Variants in DCC observed in about 807,000 individuals in gnomAD.
DCC encodes the protein DCC netrin 1 receptor.
DCC carries 58 observed loss-of-function variants against 172.5 expected under a neutral mutation model. The observed-to-expected ratio is 0.34, with a 90% confidence interval of 0.27 to 0.42. The LOEUF (loss-of-function observed/expected upper bound fraction) is 0.42, where lower values mean the gene tolerates loss of function less well. Ranked by LOEUF, DCC falls within the 10% of genes least tolerant of loss-of-function variation. The pLI, the probability that DCC is intolerant of heterozygous loss-of-function variation, is 1.00. For synonymous variants in DCC, 709 were observed against 644.5 expected, an observed-to-expected ratio of 1.10 and a Z score of -1.52; for missense variants, 1,740 against 1,791.0, an observed-to-expected ratio of 0.97 and a Z score of 0.51.
chr18:52,859,488 A>G (rs1293024457), intron 2 of DCC, among the ~76,000 whole-genome samples: 2 of 152,252 alleles, frequency 1.3e-5, no homozygotes, highest in African/African-American at 4.8e-5. Flanking sequence ...TGCTTGGATC[A>G]TGGCAAAATA....
intron 1 of DCC, among the ~76,000 whole-genome samples, chr18:52,736,440 A>G (rs1034969716): frequency 7.9e-5 from 12 of 152,084 alleles, no homozygotes; most frequent in Non-Finnish European, 1.5e-4. Context: ...CTTGCTGTAT[A>G]TAAGTGACTT....
intron 5 of DCC, among the ~76,000 whole-genome samples, chr18:52,963,524 C>G (rs914311475): frequency 6.6e-6 from 1 of 152,016 alleles, no homozygotes; most frequent in Non-Finnish European, 1.5e-5. Flanking sequence ...GCACAGGAGT[C>G]TGAAGTGGTC....
rs34406723 is a variant in DCC, at chr18:53,159,008, A to AAAAAAAAAAAAAAAG, written c.1418+1496_1418+1497insAAAAAAAAAAAAAAG. Among the ~76,000 whole-genome samples the AAAAAAAAAAAAAAAG allele has an allele frequency of 3.5e-3, 417 of 119,098 alleles. 39 individuals carry two copies. The highest frequency in any genetic ancestry group is 0.015 in the East Asian group (49 of 3,256). The allele number at this position is 119,098 out of a possible 152,430, so 78.1% of individuals were successfully genotyped here. ...CATCTCAAAAAAAAAAAAAAAAAGA[A>AAAAAAAAAAAAAAAG]GAAGATGTAGGCATACCCATATTGC... is the stretch of plus-strand genomic sequence containing the variant. On this transcript the variant is annotated intron_variant, in intron 8 of 28. Coordinates refer to ENST00000442544, the MANE Select transcript of DCC (RefSeq NM_005215.4).
intron 3 of DCC, among the ~76,000 whole-genome samples, chr18:52,906,817 T>A (rs17389596): frequency 6.6e-6 from 1 of 150,638 alleles, no homozygotes; most frequent in African/African-American, 2.4e-5. Context: ...ATATTAAAAT[T>A]AGGCTGATCT....
At chr18:52,729,558 C>A (rs185758241) in intron 1 of DCC, among the ~76,000 whole-genome samples, 1 of 152,284 alleles carries the variant, frequency 6.6e-6, no homozygotes, top group Non-Finnish European at 1.5e-5. Context: ...CCATGCCCAG[C>A]CATTTGTCTT....
chr18:52,849,561 A>T (rs2038944123), intron 2 of DCC, among the ~76,000 whole-genome samples: 1 of 152,142 alleles, frequency 6.6e-6, no homozygotes, highest in South Asian at 2.1e-4. Flanking sequence ...AAAACACAAA[A>T]ATTCACAGGC....
At chr18:53,338,164 C>T (rs902536624) in intron 14 of DCC, among the ~76,000 whole-genome samples, 1 of 152,188 alleles carries the variant, frequency 6.6e-6, no homozygotes, top group South Asian at 2.1e-4. Context: ...CATAATCTAT[C>T]GTAGCTGCCT....
At chr18:52,596,224 A>G (rs1040124531) in intron 1 of DCC, among the ~76,000 whole-genome samples, 1 of 152,176 alleles carries the variant, frequency 6.6e-6, no homozygotes, top group African/African-American at 2.4e-5. Context: ...ATTTCCAAGT[A>G]ATGGAACTAA....
At chr18:53,310,580 C>G (rs2057254420) in intron 13 of DCC, among the ~76,000 whole-genome samples, 1 of 151,746 alleles carries the variant, frequency 6.6e-6, no homozygotes, top group African/African-American at 2.4e-5. Flanking sequence ...TTGTGAGAAC[C>G]CACGTCAACT....
intron 7 of DCC, among the ~76,000 whole-genome samples, chr18:53,085,651 T>C (rs1231158928): frequency 6.6e-6 from 1 of 151,984 alleles, no homozygotes; most frequent in Non-Finnish European, 1.5e-5. Flanking sequence ...GGCTGACTTC[T>C]GTTTACTTGT....
intron 1 of DCC, among the ~76,000 whole-genome samples, chr18:52,603,135 A>G (rs1173031955): frequency 6.6e-6 from 1 of 152,034 alleles, no homozygotes; most frequent in Non-Finnish European, 1.5e-5. Context: ...CTAATTCCAG[A>G]CCTGCTTGAT....
At chr18:52,494,086 C>CT (rs1470944592) in intron 1 of DCC, among the ~76,000 whole-genome samples, 2 of 151,940 alleles carry the variant, frequency 1.3e-5, no homozygotes, top group Non-Finnish European at 2.9e-5. Flanking sequence ...CTTTTGATGG[C>CT]TATTTTTGCT....
chr18:52,428,532 CAAT>C, intron 1 of DCC, among the ~76,000 whole-genome samples: 1 of 152,092 alleles, frequency 6.6e-6, no homozygotes, highest in East Asian at 1.9e-4. Flanking sequence ...AACCCAACAA[CAAT>C]AACTTGTACA....
chr18:53,378,448 A>G (rs1237518669), intron 15 of DCC, among the ~76,000 whole-genome samples: 2 of 152,198 alleles, frequency 1.3e-5, no homozygotes, highest in African/African-American at 4.8e-5. Context: ...TGAAGATTGA[A>G]TGTGAATATG....
intron 5 of DCC, among the ~76,000 whole-genome samples, chr18:52,953,802 C>T (rs754316273): frequency 2.6e-5 from 4 of 152,156 alleles, no homozygotes; most frequent in Non-Finnish European, 5.9e-5. Context: ...GCTGACATTA[C>T]AGTGTCTGCA....
chr18:52,538,607 G>C (rs1413647586), intron 1 of DCC, among the ~76,000 whole-genome samples: 1 of 152,140 alleles, frequency 6.6e-6, no homozygotes, highest in Non-Finnish European at 1.5e-5. Flanking sequence ...ACTGGATACA[G>C]TTCAGGATAC....
intron 21 of DCC, among the ~76,000 whole-genome samples, chr18:53,429,382 C>T (rs565396178): frequency 1.4e-5 from 2 of 142,306 alleles, no homozygotes; most frequent in African/African-American, 5.0e-5. Context: ...GTCTAGGATA[C>T]CCACAGTTTC....
At chr18:52,932,347 A>T (rs2040318663) in intron 5 of DCC, among the ~76,000 whole-genome samples, 1 of 152,082 alleles carries the variant, frequency 6.6e-6, no homozygotes. Context: ...TGTTCTAGAG[A>T]TTTGCCACTG....
intron 7 of DCC, among the ~76,000 whole-genome samples, chr18:53,119,332 C>T (rs2043450431): frequency 6.6e-6 from 1 of 151,824 alleles, no homozygotes; most frequent in South Asian, 2.1e-4. Context: ...CACCACCCTA[C>T]TGCCCTGAAA....
Sources: allele counts gnomAD v4.1 joint callset (sites outside exome capture counted in the v4.1 genomes callset), GRCh38; gene constraint gnomAD v4.1.1; transcripts MANE v1.5; gene names NCBI Gene and HGNC (gene_info 2026-07-23, HGNC 2026-07-21).